LINGO2: variants seen among roughly 807,000 people sequenced by gnomAD.
LINGO2 encodes leucine rich repeat and Ig domain containing 2.
A neutral mutation model predicts 30.6 loss-of-function variants in LINGO2; 14 were observed. The observed-to-expected ratio is 0.46, with a 90% CI of 0.30 to 0.72. The LOEUF (loss-of-function observed/expected upper bound fraction) is 0.72, where lower values mean the gene tolerates loss of function less well. Among genes scored for constraint, LINGO2 ranks in the 30% least tolerant of loss-of-function variants. The pLI is 0.07. For synonymous variants in LINGO2, 317 were observed against 288.5 expected (o/e 1.10, Z -1.00); for missense variants, 729 against 751.7 (o/e 0.97, Z 0.35).
intron 4 of LINGO2, among the ~76,000 whole-genome samples, chr9:28,045,388 T>G (rs1260388797): frequency 6.6e-6 from 1 of 152,208 alleles, no homozygotes; most frequent in Non-Finnish European, 1.5e-5. Flanking sequence ...TTTTCCGAAT[T>G]ACCTAATAAG....
intron 1 of LINGO2, among the ~76,000 whole-genome samples, chr9:28,531,332 CA>C (rs1304815574): frequency 1.3e-5 from 2 of 151,942 alleles, no homozygotes; most frequent in Non-Finnish European, 2.9e-5. Flanking sequence ...AGCATTAAGG[CA>C]TTGGTTATTT....
At chr9:28,993,306 A>G in the LINGO2 span, among the ~76,000 whole-genome samples, 1 of 152,142 alleles carries the variant, frequency 6.6e-6, no homozygotes, top group Non-Finnish European at 1.5e-5. Context: ...CCCTCCCAAG[A>G]CTAAACCAGG....
At chr9:28,807,944 C>A in the LINGO2 span, among the ~76,000 whole-genome samples, 1 of 151,990 alleles carries the variant, frequency 6.6e-6, no homozygotes, top group Non-Finnish European at 1.5e-5. Flanking sequence ...GCAAGATAAA[C>A]GCAGAGATCT....
the LINGO2 span, among the ~76,000 whole-genome samples, chr9:29,157,832 C>T: frequency 6.6e-6 from 1 of 152,076 alleles, no homozygotes; most frequent in Non-Finnish European, 1.5e-5. Context: ...TTTGACTCCT[C>T]ATGAAACATT....
chr9:28,601,219 G>A (rs747600249), intron 1 of LINGO2, among the ~76,000 whole-genome samples: 24 of 152,020 alleles, frequency 1.6e-4, no homozygotes, highest in East Asian at 5.8e-4. Context: ...AGCTGATATC[G>A]CAGATAGCCA....
the LINGO2 span, among the ~76,000 whole-genome samples, chr9:28,848,991 A>T: frequency 6.6e-6 from 1 of 151,952 alleles, no homozygotes; most frequent in East Asian, 1.9e-4. Flanking sequence ...TAAACAGACC[A>T]AGTTACATAT....
At chr9:28,660,959 A>T (rs1247671343) in intron 1 of LINGO2, among the ~76,000 whole-genome samples, 1 of 152,102 alleles carries the variant, frequency 6.6e-6, no homozygotes, top group Admixed American at 6.6e-5. Flanking sequence ...ACCTGGGGCA[A>T]ATCTAGATGA....
chr9:29,054,904 A>C, the LINGO2 span, among the ~76,000 whole-genome samples: 1 of 152,166 alleles, frequency 6.6e-6, no homozygotes, highest in East Asian at 1.9e-4. Context: ...CCATGATTTG[A>C]ACTAGACTTC....
the LINGO2 span, among the ~76,000 whole-genome samples, chr9:28,806,999 A>C: frequency 1.3e-5 from 2 of 150,936 alleles, no homozygotes; most frequent in African/African-American, 4.9e-5. Context: ...GAAAAACATT[A>C]TTATTATTAT....
the LINGO2 span, among the ~76,000 whole-genome samples, chr9:28,683,373 C>G: frequency 6.6e-6 from 1 of 152,078 alleles, no homozygotes; most frequent in Non-Finnish European, 1.5e-5. Context: ...ACATCTTTGA[C>G]AAAACCTGTC....
intron 2 of LINGO2, among the ~76,000 whole-genome samples, chr9:28,449,558 C>T (rs757186400): frequency 6.6e-6 from 1 of 151,966 alleles, no homozygotes; most frequent in Non-Finnish European, 1.5e-5. Context: ...TACCTCAATA[C>T]CCAACAAGTT....
the LINGO2 span, among the ~76,000 whole-genome samples, chr9:29,144,900 C>T: frequency 6.6e-6 from 1 of 151,782 alleles, no homozygotes; most frequent in Admixed American, 6.6e-5. Context: ...GCTTTTTTTG[C>T]TGCAGGCATC....
intron 4 of LINGO2, among the ~76,000 whole-genome samples, chr9:28,049,592 CGCTTATTA>C (rs980755001): frequency 6.6e-6 from 1 of 150,604 alleles, no homozygotes; most frequent in South Asian, 2.1e-4. Flanking sequence ...TAGATTTTAC[CGCTTATTA>C]GCTTATTATT....
At chr9:28,061,505 T>C (rs1381862500) in intron 4 of LINGO2, among the ~76,000 whole-genome samples, 2 of 152,010 alleles carry the variant, frequency 1.3e-5, no homozygotes, top group East Asian at 3.9e-4. Context: ...CAGATTCTTT[T>C]TTTTTGTTTT....
At position 28,121,469 on chromosome 9, in the gene LINGO2, A is replaced by G. The variant is rs1413275562; in HGVS notation, c.-86-109064T>C. 3.9e-5 allele frequency among the ~76,000 whole-genome samples: 6 copies of G among 152,032 alleles called. No homozygotes were observed. In the East Asian group the frequency reaches 1.2e-3, roughly 29 times the overall value. ...TCTTTGATTATCCTTACTTCCTTCCACATTCTTTTTTCTTTCTTGTTGTTG... is the reference window on the plus strand; with the variant it reads ...TCTTTGATTATCCTTACTTCCTTCCGCATTCTTTTTTCTTTCTTGTTGTTG... On this transcript the variant is annotated intron_variant, in intron 4 of 5. Transcript: ENST00000379992.
chr9:28,478,328 TTC>T (rs1307167126), intron 1 of LINGO2, among the ~76,000 whole-genome samples: 2 of 152,056 alleles, frequency 1.3e-5, no homozygotes, highest in African/African-American at 4.8e-5. Context: ...TAATCTTTGT[TTC>T]TGTTTTTTTT....
chr9:28,185,693 G>A (rs950805102), intron 4 of LINGO2, among the ~76,000 whole-genome samples: 23 of 151,992 alleles, frequency 1.5e-4, no homozygotes, highest in African/African-American at 5.6e-4. Context: ...CATAGATTTT[G>A]TTTTTCTTGG....
chr9:28,821,485 T>C, the LINGO2 span, among the ~76,000 whole-genome samples: 6 of 152,078 alleles, frequency 3.9e-5, no homozygotes, highest in African/African-American at 1.4e-4. Context: ...ATCACGGAAA[T>C]TTGCAAAAAT....
downstream of LINGO2, among the ~76,000 whole-genome samples, chr9:27,944,655 C>T (rs562691427): frequency 6.6e-5 from 10 of 152,144 alleles, no homozygotes; most frequent in South Asian, 2.1e-4. Context: ...CCAAAGCCAA[C>T]GGTGGAAAAT....
Sources: allele counts gnomAD v4.1 joint callset (sites outside exome capture counted in the v4.1 genomes callset), GRCh38; gene constraint gnomAD v4.1.1; transcripts MANE v1.5; gene names NCBI Gene and HGNC (gene_info 2026-07-23, HGNC 2026-07-21).